KCNH7: variants seen among roughly 807,000 people sequenced by gnomAD.
KCNH7 encodes the protein voltage-gated inwardly rectifying potassium channel KCNH7.
KCNH7 carries 49 observed loss-of-function variants against 120.8 expected under a neutral mutation model. The observed-to-expected ratio is 0.41, with a 90% CI of 0.32 to 0.51. The LOEUF is 0.51. KCNH7 is among the 20% of genes least tolerant of loss of function. The pLI is 0.38. For missense variants in KCNH7, 1,097 were observed against 1,446.6 expected (o/e 0.76, Z 3.92); for synonymous variants, 547 against 516.1 (o/e 1.06, Z -0.81).
At chr2:162,640,016 A>G (rs2105234699) in intron 2 of KCNH7, among the ~76,000 whole-genome samples, 1 of 152,316 alleles carries the variant, frequency 6.6e-6, no homozygotes, top group South Asian at 2.1e-4. Flanking sequence ...CCTCTGTGCC[A>G]GAAACTACAC....
chr2:162,810,184 G>T, intron 2 of KCNH7, among the ~76,000 whole-genome samples: 1 of 149,052 alleles, frequency 6.7e-6, no homozygotes, highest in Non-Finnish European at 1.5e-5. Context: ...CAAAGTGCTG[G>T]GATTACAGGC....
chr2:162,504,710 G>T, intron 5 of KCNH7, 53 bp from the exon 6 acceptor site: 1 of 1,190,990 alleles, frequency 8.4e-7, no homozygotes, highest in Admixed American at 1.8e-5. Context: ...ATAGAAGAAA[G>T]AGACAGTTCT....
intron 2 of KCNH7, among the ~76,000 whole-genome samples, chr2:162,685,109 C>T (rs760395821): frequency 2.7e-4 from 41 of 152,152 alleles, no homozygotes; most frequent in Middle Eastern, 6.8e-3. Context: ...GAAAACCAAA[C>T]GCCACATATT....
chr2:162,535,812 G>A (rs574209356), intron 3 of KCNH7, among the ~76,000 whole-genome samples: 4 of 151,830 alleles, frequency 2.6e-5, no homozygotes, highest in Non-Finnish European at 5.9e-5. Context: ...ATGATTCTGA[G>A]CGATAGATAG....
chr2:162,715,061 T>G (rs1447129915), intron 2 of KCNH7, among the ~76,000 whole-genome samples: 1 of 152,168 alleles, frequency 6.6e-6, no homozygotes, highest in East Asian at 1.9e-4. Flanking sequence ...CACTATTTCA[T>G]CCTTACAGCA....
At chr2:162,720,322 A>AG (rs1224622919) in intron 2 of KCNH7, among the ~76,000 whole-genome samples, 4 of 140,410 alleles carry the variant, frequency 2.8e-5, no homozygotes, top group Admixed American at 1.4e-4. Context: ...AAAAAAAAAA[A>AG]AGAGAGAGAG....
intron 9 of KCNH7, among the ~76,000 whole-genome samples, chr2:162,419,379 A>T (rs1445728224): frequency 6.6e-6 from 1 of 151,448 alleles, no homozygotes; most frequent in African/African-American, 2.4e-5. Flanking sequence ...CAAATAGGTT[A>T]GAATTGCCAT....
chr2:162,555,515 T>C (rs1233481788), intron 2 of KCNH7, among the ~76,000 whole-genome samples: 2 of 152,228 alleles, frequency 1.3e-5, no homozygotes, highest in Non-Finnish European at 1.5e-5. Context: ...TTATGCAAAA[T>C]CTGTCTTCAG....
intron 2 of KCNH7, among the ~76,000 whole-genome samples, chr2:162,684,330 A>T (rs963950082): frequency 6.6e-6 from 1 of 152,194 alleles, no homozygotes; most frequent in Admixed American, 6.6e-5. Context: ...AATGGCAACA[A>T]AAGCCAAAAT....
rs187014484 is a variant in KCNH7 at position 162,793,031 on chromosome 2, C to T, written c.307+43506G>A. On this transcript the variant is annotated intron_variant, in intron 2 of 15. Coordinates refer to ENST00000332142, the MANE Select transcript of KCNH7 (RefSeq NM_033272.4). ...CTGGTATGTTGTATCTTTGTTCTTA[C>T]TAGTTTTGAACAACTTTTTGATTCT... Among the ~76,000 whole-genome samples, 27 of 152,000 alleles carry T rather than the reference C, an allele frequency of 1.8e-4. No homozygotes were observed. The East Asian group carries it at 3.9e-3, about 22-fold the overall frequency.
At chr2:162,589,588 T>C (rs1694135365) in intron 2 of KCNH7, among the ~76,000 whole-genome samples, 1 of 152,034 alleles carries the variant, frequency 6.6e-6, no homozygotes, top group Non-Finnish European at 1.5e-5. Context: ...TCAAGCATAA[T>C]CATAGGATGC....
intron 6 of KCNH7, among the ~76,000 whole-genome samples, chr2:162,490,560 C>G (rs1342005295): frequency 6.6e-6 from 1 of 152,110 alleles, no homozygotes; most frequent in Non-Finnish European, 1.5e-5. Flanking sequence ...AGACCCAAAA[C>G]CTTTCACTTT....
chr2:162,493,671 G>C (rs1417777811), intron 6 of KCNH7, among the ~76,000 whole-genome samples: 1 of 152,040 alleles, frequency 6.6e-6, no homozygotes, highest in Non-Finnish European at 1.5e-5. Context: ...TAACTTACCA[G>C]GTTTTACACT....
intron 2 of KCNH7, among the ~76,000 whole-genome samples, chr2:162,599,584 A>C (rs895495488): frequency 6.6e-6 from 1 of 151,432 alleles, no homozygotes; most frequent in Non-Finnish European, 1.5e-5. Flanking sequence ...ATGCTTCCTA[A>C]CTTTTTATAT....
chr2:162,577,581 A>G (rs969557555), intron 2 of KCNH7, among the ~76,000 whole-genome samples: 1 of 151,940 alleles, frequency 6.6e-6, no homozygotes, highest in Non-Finnish European at 1.5e-5. Flanking sequence ...CCCCATTCCT[A>G]TGATTTTCTT....
rs191524108 is a variant in KCNH7 at position 162,422,155 on chromosome 2, C to T, written c.2154+1181G>A. Among the ~76,000 whole-genome samples the T allele has an allele frequency of 2.2e-4, 34 of 152,244 alleles. No homozygotes were observed. The East Asian group carries it at 6.6e-3, about 29-fold the overall frequency. ...TCATTTGATTAGCTCTTCAAATTAACATTTTTGTCATGGCATGTCCTTCTC... is the reference window on the plus strand; with the variant it reads ...TCATTTGATTAGCTCTTCAAATTAATATTTTTGTCATGGCATGTCCTTCTC... On this transcript the variant is annotated intron_variant, in intron 9 of 15. Coordinates refer to ENST00000332142, the MANE Select transcript of KCNH7 (RefSeq NM_033272.4).
intron 12 of KCNH7, 54 bp downstream of exon 12, chr2:162,394,335 G>C: frequency 1.0e-6 from 1 of 1,000,168 alleles, no homozygotes; most frequent in Non-Finnish European, 1.6e-6. Flanking sequence ...ATTTAAGTAA[G>C]AAGGCTAATT....
intron 2 of KCNH7, among the ~76,000 whole-genome samples, chr2:162,767,056 C>A (rs1682845740): frequency 6.6e-6 from 1 of 152,062 alleles, no homozygotes; most frequent in East Asian, 1.9e-4. Flanking sequence ...CTCTCTGTCT[C>A]AATCTCTCAC....
chr2:162,750,679 G>A (rs1226820593), intron 2 of KCNH7, among the ~76,000 whole-genome samples: 1 of 152,084 alleles, frequency 6.6e-6, no homozygotes, highest in African/African-American at 2.4e-5. Flanking sequence ...TAATAGATAT[G>A]TTTAACATTG....
Sources: allele counts gnomAD v4.1 joint callset (sites outside exome capture counted in the v4.1 genomes callset), GRCh38; gene constraint gnomAD v4.1.1; transcripts MANE v1.5; gene names NCBI Gene and HGNC (gene_info 2026-07-23, HGNC 2026-07-21).